Variants in SUCLA2 observed in about 807,000 individuals in gnomAD.
The protein encoded by SUCLA2 is succinate--CoA ligase [ADP-forming] subunit beta, mitochondrial.
A neutral mutation model predicts 54.8 loss-of-function variants in SUCLA2; 30 were observed. The ratio of observed to expected loss-of-function variants is 0.55; its 90% confidence interval spans 0.41 to 0.74. The LOEUF is 0.74. Ranked by LOEUF, SUCLA2 falls within the 30% of genes least tolerant of loss-of-function variation. The pLI is 0.00. For synonymous variants in SUCLA2, 172 were observed against 188.9 expected (o/e 0.91, Z 0.74); for missense variants, 476 against 562.9 (o/e 0.85, Z 1.56).
At chr13:47,999,473 C>T (rs573159766) in intron 1 of SUCLA2, among the ~76,000 whole-genome samples, 7 of 152,118 alleles carry the variant, frequency 4.6e-5, no homozygotes, top group Middle Eastern at 3.4e-3. Context: ...TTTAGGAGGC[C>T]GAGGCGGGAG....
At chr13:47,998,742 C>T (rs1184641940) in intron 1 of SUCLA2, among the ~76,000 whole-genome samples, 1 of 152,142 alleles carries the variant, frequency 6.6e-6, no homozygotes, top group African/African-American at 2.4e-5. Flanking sequence ...TACCTTCTGT[C>T]AGGGAGTATT....
Position 47,950,510 on chromosome 13 carries a change from C to G in SUCLA2, c.1108-907G>C, listed in dbSNP as rs1480286772. 2.0e-5 allele frequency among the ~76,000 whole-genome samples: 3 copies of G among 152,138 alleles called. No homozygotes were observed. In the East Asian group the frequency reaches 5.8e-4, roughly 29 times the overall value. ...ATCAACGTTTTACACAAACCAGGCC[C>G]TAAGAATCACCCAGCTTCTCCTGTA... On this transcript the variant is annotated intron_variant, in intron 8 of 10. Transcript: ENST00000646932.
intron 4 of SUCLA2, among the ~76,000 whole-genome samples, chr13:47,973,774 T>C (rs1204007607): frequency 1.3e-5 from 2 of 152,148 alleles, no homozygotes; most frequent in Non-Finnish European, 2.9e-5. Context: ...AAAGAATGTG[T>C]TCATGTCCTT....
intron 4 of SUCLA2, among the ~76,000 whole-genome samples, chr13:47,982,544 A>C (rs1536301): frequency 0.73 from 110,696 of 151,868 alleles, 41,297 homozygotes; most frequent in Non-Finnish European, 0.82. Context: ...GTTGCACAAA[A>C]TGTGCACAAA....
rs891103070 is a variant in SUCLA2, at chr13:47,988,613, T to C, written c.462A>G (p.Gln154=). The change falls in exon 4 of 11, where the codon CAA becomes CAG. Residue 154 remains glutamine, a synonymous_variant. Transcript: ENST00000646932. ...QTGEKGRICN[Q]VLVCERKYPR... ...GATATTTTCGCTCACAGACCAATAC[T>C]TGATTGCATATTCTGCCCTTTTCTC... The C allele has an allele frequency of 1.2e-5, 20 of 1,613,884 alleles. No individual in the cohort carries two copies. Among genetic ancestry groups the C allele is most frequent in the Non-Finnish European group, 1.6e-5 (19 of 1,179,964 alleles).
chr13:47,994,296 G>GC (rs1253614474), intron 2 of SUCLA2, among the ~76,000 whole-genome samples: 1 of 151,856 alleles, frequency 6.6e-6, no homozygotes, highest in Non-Finnish European at 1.5e-5. Flanking sequence ...TGGGCTGGGT[G>GC]CGGTGGCTCA....
Position 47,968,621 on chromosome 13 carries a change from G to A in SUCLA2, c.776C>T (p.Pro259Leu). ...AGCTCCATCTGAATCTTCCACCATT[G>A]GATTTATTTCTATCATGGTTGCATC... is the stretch of plus-strand genomic sequence containing the variant. ...KYDATMIEINPMVEDSDGAVL... is the reference protein window; with the variant it reads ...KYDATMIEINLMVEDSDGAVL... Residue 259 changes from proline (P) to leucine (L), a missense_variant, in exon 6 of 11, where the codon CCA becomes CTA. Around this residue, in one of 2 missense-constraint regions of SUCLA2, gnomAD observed 342 missense variants for 444.2 expected, o/e 0.77. Transcript: ENST00000646932. 1 of 1,611,588 alleles carries A rather than the reference G, an allele frequency of 6.2e-7. No individual in the cohort carries two copies. The highest frequency in any genetic ancestry group is 8.5e-7 in the Non-Finnish European group (1 of 1,179,742).
intron 4 of SUCLA2, among the ~76,000 whole-genome samples, chr13:47,984,866 T>C (rs943553434): frequency 2.0e-5 from 3 of 152,210 alleles, no homozygotes; most frequent in Admixed American, 6.5e-5. Flanking sequence ...TTTATAACTA[T>C]TTCAGGTAAA....
At chr13:47,974,766 T>C (rs942507585) in intron 4 of SUCLA2, among the ~76,000 whole-genome samples, 4 of 152,184 alleles carry the variant, frequency 2.6e-5, no homozygotes, top group Admixed American at 6.5e-5. Context: ...TACTAATTTA[T>C]GCATTAAACT....
chr13:47,956,673 G>A (rs1382686718), intron 6 of SUCLA2, among the ~76,000 whole-genome samples: 2 of 152,152 alleles, frequency 1.3e-5, no homozygotes, highest in Non-Finnish European at 2.9e-5. Flanking sequence ...TGTCAAGAAG[G>A]GGCAGTTTTG....
chr13:47,944,593 AC>A (rs1949714194), intron 10 of SUCLA2, among the ~76,000 whole-genome samples: 1 of 152,082 alleles, frequency 6.6e-6, no homozygotes, highest in South Asian at 2.1e-4. Flanking sequence ...ATGGACTCCT[AC>A]TATCTCTCCC....
intron 4 of SUCLA2, among the ~76,000 whole-genome samples, 156 bp from the exon 5 acceptor site, chr13:47,973,548 AC>A (rs1461767336): frequency 6.6e-5 from 10 of 152,322 alleles, no homozygotes; most frequent in African/African-American, 2.4e-4. Flanking sequence ...CATCTCCAGC[AC>A]AGTGCCCTCT....
chr13:47,952,545 C>G (rs765108196), intron 8 of SUCLA2, among the ~76,000 whole-genome samples: 4 of 152,094 alleles, frequency 2.6e-5, no homozygotes, highest in Non-Finnish European at 4.4e-5. Flanking sequence ...TGATTCTCCC[C>G]AGCCCAAAGT....
chr13:47,973,861 T>C (rs976976195), intron 4 of SUCLA2, among the ~76,000 whole-genome samples: 2 of 152,096 alleles, frequency 1.3e-5, no homozygotes, highest in East Asian at 3.9e-4. Flanking sequence ...ACATCACATG[T>C]TCTCACTCGT....
At chr13:47,960,704 T>C (rs1272063147) in intron 6 of SUCLA2, among the ~76,000 whole-genome samples, 1 of 143,860 alleles carries the variant, frequency 7.0e-6, no homozygotes, top group Admixed American at 7.0e-5. Flanking sequence ...ATTAAGTAGT[T>C]AAAAAAAAAA....
At chr13:47,989,710 G>C (rs961222407) in intron 2 of SUCLA2, among the ~76,000 whole-genome samples, 5 of 152,110 alleles carry the variant, frequency 3.3e-5, no homozygotes, top group African/African-American at 1.2e-4. Context: ...GAGAACATCT[G>C]AGTTATATCG....
chr13:47,992,594 C>G (rs1950158673), intron 2 of SUCLA2, among the ~76,000 whole-genome samples: 1 of 152,170 alleles, frequency 6.6e-6, no homozygotes, highest in African/African-American at 2.4e-5. Context: ...CTCTCCTGCC[C>G]TCATAGAACC....
At chr13:48,000,825 G>A (rs1950224209) in intron 1 of SUCLA2, 11 of 1,102,870 alleles carry the variant, frequency 1.0e-5, no homozygotes, top group Non-Finnish European at 1.1e-5. Context: ...AAAAGGGGCG[G>A]CGCAAGTCTC....
At chr13:47,989,794 T>C (rs1010363300) in intron 2 of SUCLA2, among the ~76,000 whole-genome samples, 1 of 152,218 alleles carries the variant, frequency 6.6e-6, no homozygotes, top group African/African-American at 2.4e-5. Flanking sequence ...ACTGTCCCAC[T>C]AAGAGAAAGT....
Sources: gnomAD v4.1 joint callset for allele counts (sites outside exome capture counted in the v4.1 genomes callset) on GRCh38, gnomAD v4.1.1 for gene constraint, gnomAD v4.1.1 regional missense constraint, MANE v1.5 for transcripts, NCBI Gene and HGNC (gene_info 2026-07-23, HGNC 2026-07-21) for gene names.